TRPA1: variants seen among roughly 807,000 people sequenced by gnomAD.
TRPA1 encodes ankyrin-like with transmembrane domains 1.
A neutral mutation model predicts 131.3 loss-of-function variants in TRPA1; 129 were observed. That is an observed-to-expected ratio of 0.98 (90% CI 0.85 to 1.14). TRPA1 has a LOEUF of 1.14. Among genes scored for constraint, TRPA1 ranks in the 50% most tolerant of loss-of-function variants. TRPA1 has a pLI of 0.00. For synonymous variants in TRPA1, 441 were observed against 451.7 expected (o/e 0.98, Z 0.30); for missense variants, 1,304 against 1,354.2 (o/e 0.96, Z 0.58).
intron 17 of TRPA1, among the ~76,000 whole-genome samples, chr8:72,040,152 C>T (rs1812202776): frequency 6.6e-6 from 1 of 152,024 alleles, no homozygotes; most frequent in Admixed American, 6.6e-5. Context: ...CTTATCTTTC[C>T]AGAAGGATTT....
intron 23 of TRPA1, among the ~76,000 whole-genome samples, chr8:72,032,869 G>GA (rs1450349398): frequency 9.2e-5 from 14 of 152,280 alleles, no homozygotes; most frequent in African/African-American, 3.4e-4. Context: ...TACATAGTCA[G>GA]ACTCAGAGAA....
chr8:72,036,581 C>T, intron 20 of TRPA1, 124 bp from the exon 21 acceptor site: 1 of 865,854 alleles, frequency 1.2e-6, no homozygotes, highest in Non-Finnish European at 1.8e-6. Context: ...AGTTTAGGAC[C>T]AAGGAGTAAC....
the TRPA1 span, among the ~76,000 whole-genome samples, chr8:72,085,382 C>T: frequency 1.3e-5 from 2 of 152,100 alleles, no homozygotes; most frequent in African/African-American, 4.8e-5. Flanking sequence ...GTGGAATTGA[C>T]AGTTTAGTCA....
At chr8:72,048,249 T>C (rs903330433) in intron 15 of TRPA1, among the ~76,000 whole-genome samples, 3 of 152,046 alleles carry the variant, frequency 2.0e-5, no homozygotes, top group Non-Finnish European at 4.4e-5. Flanking sequence ...GAAAGAAATA[T>C]CACCTAGCCA....
At chr8:72,084,119 G>C in the TRPA1 span, among the ~76,000 whole-genome samples, 1 of 152,002 alleles carries the variant, frequency 6.6e-6, no homozygotes, top group Non-Finnish European at 1.5e-5. Flanking sequence ...CTACAGAACT[G>C]TTTAGGTTAT....
In TRPA1 at chr8:72,037,930, G is replaced by C. The variant is rs1706208448; in HGVS notation, c.2385+53C>G. On this transcript the variant is annotated intron_variant, in intron 20 of 26. Coordinates refer to ENST00000262209, the MANE Select transcript of TRPA1 (RefSeq NM_007332.3). ...AGTAATAGCTTATCAATTAACTTATGTTCTGCATATGAAAATATGTGCAAC... is the reference window on the plus strand; with the variant it reads ...AGTAATAGCTTATCAATTAACTTATCTTCTGCATATGAAAATATGTGCAAC... The C allele has an allele frequency of 4.7e-5, 50 of 1,056,170 alleles. No individual in the cohort carries two copies. In the South Asian group the frequency reaches 6.5e-4, roughly 14 times the overall value. 65.4% of individuals were successfully genotyped at this position (1,056,170 alleles called of 1,614,324 possible).
At chr8:72,029,093 C>T (rs1811711491) in intron 24 of TRPA1, among the ~76,000 whole-genome samples, 1 of 152,122 alleles carries the variant, frequency 6.6e-6, no homozygotes, top group Non-Finnish European at 1.5e-5. Flanking sequence ...GATTCAATAG[C>T]CAAATACCTA....
chr8:72,026,037 G>T lies in TRPA1; in HGVS notation c.2974C>A (p.Leu992Ile). 6.2e-7 allele frequency: 1 copy of T among 1,614,018 alleles called. No individual in the cohort carries two copies. Among genetic ancestry groups the T allele is most frequent in the Non-Finnish European group, 8.5e-7 (1 of 1,179,920 alleles). ...LHTSLEKKLPLWFLRKVDQKS... is the reference protein window; with the variant it reads ...LHTSLEKKLPIWFLRKVDQKS... ...TGATCCACTTTGCGTAGAAACCAAA[G>T]TGGCAGCTTCTTCTCTAAGCTGGTA... The change falls in exon 25 of 27, where the codon CTT becomes ATT. Residue 992 changes from leucine (L) to isoleucine (I), a missense_variant. Coordinates refer to ENST00000262209, the MANE Select transcript of TRPA1 (RefSeq NM_007332.3).
upstream of TRPA1, chr8:72,075,738 G>T: frequency 2.5e-6 from 1 of 404,734 alleles, no homozygotes; most frequent in Non-Finnish European, 4.7e-6. Flanking sequence ...CGCCCGTCCC[G>T]CTGTCCTGCA....
chr8:72,041,448 G>A (rs562696011), intron 17 of TRPA1: 7 of 151,950 alleles, frequency 4.6e-5, no homozygotes, highest in Non-Finnish European at 7.4e-5. Flanking sequence ...CATTCTCTAA[G>A]ATAGACCACA....
chr8:72,073,647 G>T (rs751531006), intron 1 of TRPA1, among the ~76,000 whole-genome samples: 1 of 152,126 alleles, frequency 6.6e-6, no homozygotes, highest in African/African-American at 2.4e-5. Context: ...GTTGCTCTAC[G>T]TAGATGATAA....
At chr8:72,089,676 C>T in the TRPA1 span, among the ~76,000 whole-genome samples, 1 of 152,076 alleles carries the variant, frequency 6.6e-6, no homozygotes, top group East Asian at 1.9e-4. Flanking sequence ...ACAACCACAG[C>T]TCAAAAAATT....
rs746483197 is a variant in TRPA1, at chr8:72,029,921, A to C, written c.2917T>G (p.Leu973Val). 1.2e-6 allele frequency: 2 copies of C among 1,613,858 alleles called. No individual in the cohort carries two copies. The highest frequency in any genetic ancestry group is 1.7e-6 in the Non-Finnish European group (2 of 1,179,876). The change falls in exon 24 of 27, where the codon TTG becomes GTG. Residue 973 changes from leucine to valine, a missense_variant. Leu to Val is a conservative substitution (Grantham distance 32). Coordinates refer to ENST00000262209, the MANE Select transcript of TRPA1 (RefSeq NM_007332.3). ...DIAEVQKHAS[L>V]KRIAMQVELH... The stretch of plus-strand genomic sequence containing the variant: ...CTTACCTGCATAGCTATCCTCTTCA[A>C]TGATGCATGTTTCTGGACCTCAGCA...
At position 72,022,031 on chromosome 8, in the gene TRPA1, G is replaced by A. The variant is rs1303222576; in HGVS notation, c.*875C>T. 1.3e-5 allele frequency: 2 copies of A among 152,142 alleles called. No individual in the cohort carries two copies. The highest frequency in any genetic ancestry group is 2.9e-5 in the Non-Finnish European group (2 of 68,076). 9.4% of individuals were successfully genotyped at this position (152,142 alleles called of 1,614,324 possible). ...GTGAGGGAATAAACATGCTAATCAG[G>A]ATGATGGAGAAAATCAGACAAAACA... On this transcript the variant is annotated 3_prime_UTR_variant, in exon 27 of 27. Coordinates refer to ENST00000262209, the MANE Select transcript of TRPA1 (RefSeq NM_007332.3).
chr8:72,053,643 G>C (rs983098838), intron 13 of TRPA1, 110 bp downstream of exon 13: 5 of 801,558 alleles, frequency 6.2e-6, no homozygotes, highest in Admixed American at 6.0e-5. Context: ...CCAACAAAAG[G>C]CTGGGAATAG....
chr8:72,056,963 A>G lies in TRPA1; in HGVS notation c.1148T>C (p.Val383Ala), dbSNP rs1219628105. The G allele has an allele frequency of 6.2e-7, 1 of 1,609,846 alleles. No homozygotes were observed. The highest frequency in any genetic ancestry group is 8.5e-7 in the Non-Finnish European group (1 of 1,178,260). Reference protein sequence around the residue: ...NFGRNFLHLTVQQPYGLKNLR... With the variant: ...NFGRNFLHLTAQQPYGLKNLR... ...ATTTTTTAATCCATAAGGTTGCTGT[A>G]CAGTTAAATGCAGAAAATTACGTCC... The change falls in exon 10 of 27, where the codon GTA (valine) becomes GCA (alanine). Residue 383 changes from valine (V) to alanine (A), a missense_variant. Coordinates refer to ENST00000262209, the MANE Select transcript of TRPA1 (RefSeq NM_007332.3).
chr8:72,023,886 G>A lies in TRPA1; in HGVS notation c.3077C>T (p.Thr1026Ile). Residue 1026 changes from threonine to isoleucine, a missense_variant, in exon 26 of 27, where the codon ACT becomes ATT. Physicochemically the swap from Thr to Ile is moderately conservative, Grantham distance 89. Transcript: ENST00000262209. ...TGGTATTTCTTGTCTTATTTCCCCA[G>A]TGCAAAATAAAAAACAGAATATATG... Reference protein sequence around the residue: ...LFHIFCFLFCTGEIRQEIPNA... With the variant: ...LFHIFCFLFCIGEIRQEIPNA... 6.3e-7 allele frequency: 1 copy of A among 1,593,704 alleles called. No individual in the cohort carries two copies. Among genetic ancestry groups the A allele is most frequent in the Non-Finnish European group, 8.6e-7 (1 of 1,162,154 alleles).
At chr8:72,056,439 CACAT>C (rs1244548081) in intron 10 of TRPA1, 5 of 166,302 alleles carry the variant, frequency 3.0e-5, no homozygotes, top group African/African-American at 9.6e-5. Context: ...TGATGTATTT[CACAT>C]ACATGTGCTA....
intron 23 of TRPA1, among the ~76,000 whole-genome samples, chr8:72,033,121 C>G (rs1281333160): frequency 6.6e-6 from 1 of 152,200 alleles, no homozygotes; most frequent in Non-Finnish European, 1.5e-5. Flanking sequence ...ATGCCCTCTG[C>G]ATGAGAGACT....
Sources: gnomAD v4.1 joint callset for allele counts (sites outside exome capture counted in the v4.1 genomes callset) on GRCh38, gnomAD v4.1.1 for gene constraint, MANE v1.5 for transcripts, NCBI Gene and HGNC (gene_info 2026-07-23, HGNC 2026-07-21) for gene names.